Variants in LRRC1 observed in about 807,000 individuals in gnomAD.
LRRC1 encodes leucine-rich repeat-containing protein 1.
A neutral mutation model predicts 69.9 loss-of-function variants in LRRC1; 28 were observed. The ratio of observed to expected loss-of-function variants is 0.40; its 90% CI spans 0.30 to 0.55. The LOEUF is 0.55. Among genes scored for constraint, LRRC1 ranks in the 20% least tolerant of loss-of-function variants. The pLI, the probability that LRRC1 is intolerant of heterozygous loss-of-function variation, is 0.47. For synonymous variants in LRRC1, 236 were observed against 240.2 expected (o/e 0.98, Z 0.16); for missense variants, 498 against 609.0 (o/e 0.82, Z 1.92).
intron 1 of LRRC1, among the ~76,000 whole-genome samples, chr6:53,798,626 G>A (rs979576120): frequency 5.3e-5 from 8 of 152,124 alleles, no homozygotes; most frequent in Admixed American, 1.3e-4. Context: ...TGACCCACCC[G>A]CCTTAGCCTC....
intron 1 of LRRC1, among the ~76,000 whole-genome samples, chr6:53,806,204 C>T (rs181634816): frequency 2.6e-5 from 4 of 152,316 alleles, no homozygotes; most frequent in Admixed American, 2.6e-4. Context: ...TGTCCCTCAT[C>T]AGAGCGAGTT....
chr6:53,856,648 A>G (rs773191604), intron 2 of LRRC1, among the ~76,000 whole-genome samples: 12 of 152,226 alleles, frequency 7.9e-5, no homozygotes, highest in Admixed American at 2.6e-4. Context: ...GCCGGTGGAA[A>G]GAGATGAAGC....
intron 1 of LRRC1, among the ~76,000 whole-genome samples, chr6:53,841,019 A>T (rs1032400382): frequency 1.3e-5 from 2 of 151,828 alleles, no homozygotes; most frequent in Non-Finnish European, 2.9e-5. Flanking sequence ...GAGGCTTATA[A>T]CCTGAAGCTT....
In LRRC1 at chr6:53,904,237, A is replaced by T; in HGVS notation, c.907-142A>T. 7.1e-6 allele frequency: 4 copies of T among 562,134 alleles called. No homozygotes were observed. In the South Asian group the frequency reaches 1.0e-4, roughly 15 times the overall value. 34.8% of individuals were successfully genotyped at this position (562,134 alleles called of 1,614,324 possible). The stretch of plus-strand genomic sequence containing the variant: ...ATGTCGCACCCCCTAAGGGAACATT[A>T]CAAATATCTGATATTCAGCAAGAAC... On this transcript the variant is annotated intron_variant, in intron 9 of 13. Transcript: ENST00000370888.
At chr6:53,806,934 C>T (rs1352278939) in intron 1 of LRRC1, among the ~76,000 whole-genome samples, 1 of 152,148 alleles carries the variant, frequency 6.6e-6, no homozygotes, top group East Asian at 1.9e-4. Flanking sequence ...CAAAATGAGG[C>T]AAAATGGTTG....
intron 2 of LRRC1, among the ~76,000 whole-genome samples, chr6:53,877,013 C>T (rs575501800): frequency 8.5e-5 from 13 of 152,174 alleles, no homozygotes; most frequent in South Asian, 2.1e-4. Flanking sequence ...AGGTTTCCCA[C>T]GAGGGCCTTG....
chr6:53,910,180 CTA>C (rs1404860006), intron 10 of LRRC1, among the ~76,000 whole-genome samples: 1 of 152,124 alleles, frequency 6.6e-6, no homozygotes, highest in Non-Finnish European at 1.5e-5. Context: ...AGATTCTCAG[CTA>C]TATTCCATAA....
At chr6:53,920,432 C>CT (rs1265750196) in intron 12 of LRRC1, 193 bp from the exon 13 acceptor site, 2 of 525,000 alleles carry the variant, frequency 3.8e-6, no homozygotes, top group Non-Finnish European at 6.7e-6. Context: ...TGTCCCAGGC[C>CT]TTTTTCTTTT....
In LRRC1 at chr6:53,915,391, C is replaced by T. The variant is rs561517108; in HGVS notation, c.1106+1422C>T. Among the ~76,000 whole-genome samples the T allele has an allele frequency of 1.1e-3, 168 of 152,266 alleles. 1 individual carries two copies. The highest frequency in any genetic ancestry group is 2.7e-3 in the Admixed American group (41 of 15,284). On this transcript the variant is annotated intron_variant, in intron 11 of 13. Coordinates refer to ENST00000370888, the MANE Select transcript of LRRC1 (RefSeq NM_018214.5). ...AGGACATCTTGATAGATTCTTAAGA[C>T]CACTAACTGGTTGCCGGAAACCCAG...
chr6:53,807,969 G>A (rs1764683005), intron 1 of LRRC1, among the ~76,000 whole-genome samples: 1 of 152,236 alleles, frequency 6.6e-6, no homozygotes, highest in Admixed American at 6.5e-5. Flanking sequence ...TGCAGCTGGA[G>A]CCCTTGGCAT....
At chr6:53,879,889 G>A (rs1333405771) in intron 3 of LRRC1, among the ~76,000 whole-genome samples, 1 of 152,134 alleles carries the variant, frequency 6.6e-6, no homozygotes, top group Non-Finnish European at 1.5e-5. Context: ...TTGTTACTAG[G>A]ATAACTGAAT....
chr6:53,860,772 C>G (rs1208238741), intron 2 of LRRC1, among the ~76,000 whole-genome samples: 1 of 152,158 alleles, frequency 6.6e-6, no homozygotes, highest in Non-Finnish European at 1.5e-5. Context: ...AGTGCAGGCT[C>G]TAAAGGTTGG....
intron 1 of LRRC1, among the ~76,000 whole-genome samples, chr6:53,823,154 A>G (rs991087440): frequency 2.0e-5 from 3 of 152,200 alleles, no homozygotes; most frequent in African/African-American, 2.4e-5. Flanking sequence ...TGTCATTACC[A>G]GTCACAATGC....
At chr6:53,887,905 G>A (rs1767541731) in intron 4 of LRRC1, among the ~76,000 whole-genome samples, 1 of 152,126 alleles carries the variant, frequency 6.6e-6, no homozygotes, top group Non-Finnish European at 1.5e-5. Context: ...CTTGGGACAG[G>A]ATTTCAGAAA....
Position 53,846,718 on chromosome 6 carries a change from C to G in LRRC1, c.277+4491C>G, listed in dbSNP as rs149376307. Among the ~76,000 whole-genome samples the G allele has an allele frequency of 6.5e-4, 99 of 152,340 alleles. 2 individuals carry two copies. Among genetic ancestry groups the G allele is most frequent in the African/African-American group, 2.2e-3 (90 of 41,594 alleles). On this transcript the variant is annotated intron_variant, in intron 2 of 13. Coordinates refer to ENST00000370888, the MANE Select transcript of LRRC1 (RefSeq NM_018214.5). The stretch of plus-strand genomic sequence containing the variant: ...TCTGAATTTGCTGGTAACATTTTGT[C>G]TACAAAAAGTGTACAGACTTAGAAT...
intron 4 of LRRC1, among the ~76,000 whole-genome samples, chr6:53,889,245 A>G (rs911994891): frequency 6.6e-6 from 1 of 152,160 alleles, no homozygotes; most frequent in Non-Finnish European, 1.5e-5. Context: ...AAACCCTCAT[A>G]TGTTGTTGGT....
At chr6:53,816,389 G>C (rs374523892) in intron 1 of LRRC1, among the ~76,000 whole-genome samples, 3 of 151,580 alleles carry the variant, frequency 2.0e-5, no homozygotes, top group African/African-American at 7.3e-5. Context: ...TTACGTGACA[G>C]AATATATAGG....
At chr6:53,828,886 G>C (rs894290125) in intron 1 of LRRC1, among the ~76,000 whole-genome samples, 5 of 152,170 alleles carry the variant, frequency 3.3e-5, no homozygotes, top group African/African-American at 1.2e-4. Context: ...AGGGCAACAA[G>C]GTGTTATCAT....
intron 1 of LRRC1, among the ~76,000 whole-genome samples, chr6:53,838,218 G>C (rs1765665375): frequency 6.6e-6 from 1 of 152,174 alleles, no homozygotes; most frequent in Non-Finnish European, 1.5e-5. Flanking sequence ...AGGATAATGA[G>C]GGAAGGATTA....
Sources: gnomAD v4.1 joint callset for allele counts (sites outside exome capture counted in the v4.1 genomes callset) on GRCh38, gnomAD v4.1.1 for gene constraint, MANE v1.5 for transcripts, NCBI Gene and HGNC (gene_info 2026-07-23, HGNC 2026-07-21) for gene names.